The following FANCA variants were observed in gnomAD, a reference collection of about 807,000 sequenced individuals.
The protein encoded by FANCA is Fanconi anemia group A protein.
FANCA carries 236 observed loss-of-function variants against 194.3 expected under a neutral mutation model. The observed-to-expected ratio is 1.21, with a 90% CI of 1.09 to 1.35. The LOEUF (loss-of-function observed/expected upper bound fraction) is 1.35. FANCA is among the 40% of genes most tolerant of loss of function. The pLI is 0.00. For missense variants in FANCA, 2,628 were observed against 1,813.9 expected, an observed-to-expected ratio of 1.45 and a Z score of -8.15; for synonymous variants, 1,014 against 715.8, an observed-to-expected ratio of 1.42 and a Z score of -6.65.
chr16:89,759,318 T>TGAAAAAAAAAA (rs1224981781), intron 29 of FANCA, among the ~76,000 whole-genome samples: 1 of 75,180 alleles, frequency 1.3e-5, no homozygotes, highest in Non-Finnish European at 2.6e-5. Context: ...AGACTCCGTC[T>TGAAAAAAAAAA]AAAAAAAAAA....
At chr16:89,795,768 G>A (rs1186402188) in intron 11 of FANCA, 138 bp downstream of exon 11, 6 of 706,628 alleles carry the variant, frequency 8.5e-6, no homozygotes, top group Non-Finnish European at 1.0e-5. Context: ...AGGCATCTGA[G>A]GACCCAGTCT....
chr16:89,766,084 C>G lies in FANCA; in HGVS notation c.2602-1018G>C, dbSNP rs1475163149. Among the ~76,000 whole-genome samples, 3 of 151,592 alleles carry G rather than the reference C, an allele frequency of 2.0e-5. No homozygotes were observed. The East Asian group carries it at 5.9e-4, about 30-fold the overall frequency. On this transcript the variant is annotated intron_variant, in intron 27 of 42. Coordinates refer to ENST00000389301, the MANE Select transcript of FANCA (RefSeq NM_000135.4). Reference sequence around the variant, plus strand: ...CAGTCTCGGCTCACTGCAACCTTTGCCTCCCTGGTTCAAGCGATTCTCCTG... The same window carrying G: ...CAGTCTCGGCTCACTGCAACCTTTGGCTCCCTGGTTCAAGCGATTCTCCTG...
chr16:89,742,421 C>T (rs2062155982), intron 37 of FANCA, among the ~76,000 whole-genome samples: 1 of 151,896 alleles, frequency 6.6e-6, no homozygotes, highest in Non-Finnish European at 1.5e-5. Flanking sequence ...CACTGCACTC[C>T]AGCCTGGGCG....
rs560092001 is a variant in FANCA, at chr16:89,745,980, G to A, written c.3513+604C>T. On this transcript the variant is annotated intron_variant, in intron 35 of 42. Coordinates refer to ENST00000389301, the MANE Select transcript of FANCA (RefSeq NM_000135.4). ...TGGGGAGCTCCCTGGGGAACATGCC[G>A]TGCTGCGGAGAAAAAGGCCCTCCTG... Among the ~76,000 whole-genome samples the A allele has an allele frequency of 2.2e-4, 33 of 152,284 alleles. 1 individual carries two copies. The highest frequency in any genetic ancestry group is 1.5e-3 in the Admixed American group (23 of 15,286).
intron 35 of FANCA, among the ~76,000 whole-genome samples, chr16:89,745,327 A>C (rs929400874): frequency 6.6e-6 from 1 of 152,224 alleles, no homozygotes; most frequent in Non-Finnish European, 1.5e-5. Context: ...CAGTGAAGGG[A>C]CCACACTCCC....
At chr16:89,806,367 T>TTTTA (rs1555571790) in intron 6 of FANCA, among the ~76,000 whole-genome samples, 72 of 149,374 alleles carry the variant, frequency 4.8e-4, no homozygotes, top group African/African-American at 1.5e-3. Flanking sequence ...TTTTTTTTTT[T>TTTTA]AATTGATCAT....
chr16:89,803,491 T>G (rs1240760539), intron 7 of FANCA, 150 bp from the exon 8 acceptor site: 7 of 728,304 alleles, frequency 9.6e-6, no homozygotes, highest in Non-Finnish European at 1.5e-5. Context: ...TGAGGAACGC[T>G]GCAGAAGTTA....
At chr16:89,741,830 G>A (rs2062140770) in intron 37 of FANCA, among the ~76,000 whole-genome samples, 1 of 152,186 alleles carries the variant, frequency 6.6e-6, no homozygotes, top group South Asian at 2.1e-4. Flanking sequence ...GGCTACTGCA[G>A]CATGAACACA....
At chr16:89,780,001 T>C (rs754789604) in intron 17 of FANCA, 44 bp from the exon 18 acceptor site, 5 of 1,563,644 alleles carry the variant, frequency 3.2e-6, no homozygotes, top group African/African-American at 1.4e-5. Context: ...CAGAGGACTT[T>C]AAAGAAAAGA....
intron 35 of FANCA, among the ~76,000 whole-genome samples, chr16:89,746,183 A>G (rs895993422): frequency 3.3e-5 from 5 of 152,192 alleles, no homozygotes; most frequent in African/African-American, 1.2e-4. Flanking sequence ...CCAAGAAAGC[A>G]TAGTCAGGCG....
intron 33 of FANCA, among the ~76,000 whole-genome samples, chr16:89,747,928 T>G (rs2038447230): frequency 6.6e-6 from 1 of 152,084 alleles, no homozygotes; most frequent in Non-Finnish European, 1.5e-5. Flanking sequence ...TTCTTTTTAT[T>G]TGAGACAAGA....
intron 3 of FANCA, among the ~76,000 whole-genome samples, chr16:89,812,498 T>TTA (rs2040925287): frequency 1.3e-5 from 2 of 149,890 alleles, no homozygotes. Context: ...AATACAAAAT[T>TTA]AGCCAGGCGT....
intron 20 of FANCA, among the ~76,000 whole-genome samples, chr16:89,776,776 A>G (rs1480752322): frequency 6.6e-6 from 1 of 152,030 alleles, no homozygotes; most frequent in African/African-American, 2.4e-5. Flanking sequence ...GCTTGCAGTG[A>G]GCCGAGATTG....
Position 89,742,694 on chromosome 16 carries a change from A to T in FANCA, c.3765+106T>A, listed in dbSNP as rs566870599. ...AAAAAAAAGTCTTGCTCCAAGCCACATATTTGTCTTTAGAAAAACAGTTCA... is the reference window on the plus strand; with the variant it reads ...AAAAAAAAGTCTTGCTCCAAGCCACTTATTTGTCTTTAGAAAAACAGTTCA... On this transcript the variant is annotated intron_variant, in intron 37 of 42. Transcript: ENST00000389301. The T allele has an allele frequency of 9.9e-5, 115 of 1,156,780 alleles. No individual in the cohort carries two copies. In the African/African-American group the frequency reaches 1.7e-3, roughly 17 times the overall value. 71.7% of individuals were successfully genotyped at this position (1,156,780 alleles called of 1,614,324 possible). A position where few individuals can be genotyped will look rare whatever the true frequency, so the allele number is the denominator to read the frequency against.
chr16:89,801,485 G>C (rs2040452668), intron 8 of FANCA, among the ~76,000 whole-genome samples: 1 of 152,070 alleles, frequency 6.6e-6, no homozygotes. Flanking sequence ...AATGCAAACA[G>C]AACTCTTATA....
chr16:89,767,476 T>G (rs2039169992), intron 26 of FANCA, among the ~76,000 whole-genome samples: 1 of 152,088 alleles, frequency 6.6e-6, no homozygotes, highest in Non-Finnish European at 1.5e-5. Context: ...CAAGCGAGTC[T>G]CCTGCCTCAG....
At chr16:89,740,349 A>C in intron 38 of FANCA, 1 of 538,262 alleles carries the variant, frequency 1.9e-6, no homozygotes, top group Non-Finnish European at 3.3e-6. Flanking sequence ...ATTAAAAGAA[A>C]GGCCCACAGG....
chr16:89,758,475 A>T (rs2143222808), intron 30 of FANCA, 102 bp downstream of exon 30: 1 of 1,433,300 alleles, frequency 7.0e-7, no homozygotes, highest in Non-Finnish European at 9.8e-7. Flanking sequence ...GACCCACCCT[A>T]AGCTAATTAG....
intron 21 of FANCA, 77 bp downstream of exon 21, chr16:89,775,665 G>A (rs1032281004): frequency 3.2e-6 from 4 of 1,233,672 alleles, no homozygotes; most frequent in Non-Finnish European, 4.7e-6. Flanking sequence ...CTCGGGTGGT[G>A]TAGCACAACA....
Sources: allele counts gnomAD v4.1 joint callset (sites outside exome capture counted in the v4.1 genomes callset), GRCh38; gene constraint gnomAD v4.1.1; transcripts MANE v1.5; gene names NCBI Gene and HGNC (gene_info 2026-07-23, HGNC 2026-07-21).